Variants in CDH12 observed in about 807,000 individuals in gnomAD.
CDH12 encodes cadherin 12.
CDH12 carries 41 observed loss-of-function variants against 74.1 expected under a neutral mutation model. The observed-to-expected ratio is 0.55, with a 90% CI of 0.43 to 0.72. CDH12 has a LOEUF of 0.72. CDH12 is among the 30% of genes least tolerant of loss of function. The pLI is 0.00. For missense variants in CDH12, 945 were observed against 977.2 expected (o/e 0.97, Z 0.44); for synonymous variants, 399 against 355.0 (o/e 1.12, Z -1.39).
At chr5:22,063,785 T>C (rs1333949343) in intron 5 of CDH12, among the ~76,000 whole-genome samples, 1 of 152,014 alleles carries the variant, frequency 6.6e-6, no homozygotes, top group African/African-American at 2.4e-5. Context: ...ATTCAATTAG[T>C]TGGAAACCCT....
chr5:22,456,674 G>T (rs895482344), intron 2 of CDH12, among the ~76,000 whole-genome samples: 2 of 151,876 alleles, frequency 1.3e-5, no homozygotes, highest in Non-Finnish European at 2.9e-5. Flanking sequence ...ACCTGTGAAG[G>T]CTAAATCATA....
intron 3 of CDH12, among the ~76,000 whole-genome samples, chr5:22,240,965 AAGG>A (rs913381290): frequency 5.3e-5 from 8 of 152,120 alleles, no homozygotes; most frequent in South Asian, 4.1e-4. Context: ...AAGGGCAAGG[AAGG>A]AGGAGGAGGA....
intron 1 of CDH12, among the ~76,000 whole-genome samples, chr5:22,551,004 C>A (rs1360723822): frequency 2.0e-5 from 3 of 152,206 alleles, no homozygotes; most frequent in African/African-American, 7.2e-5. Flanking sequence ...TAGCTTTGGG[C>A]AAGAATCGCA....
chr5:21,907,507 C>T (rs1306906419), intron 6 of CDH12, among the ~76,000 whole-genome samples: 2 of 152,056 alleles, frequency 1.3e-5, no homozygotes, highest in Admixed American at 6.6e-5. Context: ...CATGGAAGCC[C>T]GATGGAAACA....
intron 3 of CDH12, among the ~76,000 whole-genome samples, chr5:22,329,649 A>G (rs957768366): frequency 4.6e-5 from 7 of 152,344 alleles, no homozygotes; most frequent in Admixed American, 2.0e-4. Context: ...CACTGATGCC[A>G]TGCCTCTCTC....
intron 6 of CDH12, among the ~76,000 whole-genome samples, chr5:21,945,673 C>T (rs1755546371): frequency 6.6e-6 from 1 of 151,130 alleles, no homozygotes; most frequent in Non-Finnish European, 1.5e-5. Flanking sequence ...AAGAAGAGAG[C>T]ACAGAGCAGA....
At chr5:22,290,678 A>G (rs1737346404) in intron 3 of CDH12, among the ~76,000 whole-genome samples, 1 of 152,186 alleles carries the variant, frequency 6.6e-6, no homozygotes, top group Admixed American at 6.5e-5. Flanking sequence ...CAAATGATTG[A>G]GTCATAGGGG....
intron 10 of CDH12, among the ~76,000 whole-genome samples, chr5:21,789,296 C>T (rs1419624088): frequency 6.6e-6 from 1 of 151,920 alleles, no homozygotes; most frequent in Non-Finnish European, 1.5e-5. Context: ...TGACTGGTTG[C>T]GAAGGAAAGA....
chr5:22,268,593 T>G, intron 3 of CDH12, among the ~76,000 whole-genome samples: 1 of 152,242 alleles, frequency 6.6e-6, no homozygotes, highest in East Asian at 1.9e-4. Context: ...CTCTACAATT[T>G]ATTATAAGAT....
chr5:22,580,595 T>G (rs1740039328), intron 1 of CDH12: 1 of 476,382 alleles, frequency 2.1e-6, no homozygotes, highest in Non-Finnish European at 4.3e-6. Flanking sequence ...ACTTTTGGAT[T>G]TTTTTAATCC....
intron 3 of CDH12, among the ~76,000 whole-genome samples, chr5:22,364,927 G>C (rs1413644697): frequency 6.6e-6 from 1 of 152,096 alleles, no homozygotes; most frequent in Non-Finnish European, 1.5e-5. Flanking sequence ...TAAATGTAAA[G>C]ACTCATCAAA....
intron 4 of CDH12, among the ~76,000 whole-genome samples, chr5:22,117,422 C>T (rs1432967169): frequency 4.2e-5 from 5 of 118,494 alleles, no homozygotes; most frequent in Admixed American, 4.0e-4. Context: ...AAATTATATA[C>T]ATGCATATAT....
At chr5:22,225,491 G>A (rs1314300081) in intron 3 of CDH12, among the ~76,000 whole-genome samples, 1 of 152,022 alleles carries the variant, frequency 6.6e-6, no homozygotes, top group Non-Finnish European at 1.5e-5. Context: ...TTTGCCACAA[G>A]CTTTGAATAT....
intron 3 of CDH12, among the ~76,000 whole-genome samples, chr5:22,335,273 T>C (rs567431553): frequency 5.9e-5 from 9 of 152,286 alleles, no homozygotes; most frequent in South Asian, 2.1e-4. Context: ...TGGGAGATGA[T>C]TGAATCATGG....
At chr5:22,613,610 G>A (rs936472117) in intron 1 of CDH12, among the ~76,000 whole-genome samples, 4 of 152,064 alleles carry the variant, frequency 2.6e-5, no homozygotes, top group African/African-American at 9.7e-5. Flanking sequence ...TTTACGTGCT[G>A]TTTCCAAAGT....
chr5:21,786,100 C>G (rs1246219072), intron 10 of CDH12, among the ~76,000 whole-genome samples: 1 of 152,122 alleles, frequency 6.6e-6, no homozygotes, highest in Non-Finnish European at 1.5e-5. Flanking sequence ...TGCCTGTTGT[C>G]TTACAAATGG....
At chr5:22,033,519 A>G (rs1052502599) in intron 5 of CDH12, among the ~76,000 whole-genome samples, 11 of 152,212 alleles carry the variant, frequency 7.2e-5, no homozygotes, top group Admixed American at 7.2e-4. Flanking sequence ...TTTATAATAG[A>G]TTGTCTATAA....
At chr5:21,948,836 T>C (rs4028759) in intron 6 of CDH12, among the ~76,000 whole-genome samples, 3 of 152,198 alleles carry the variant, frequency 2.0e-5, no homozygotes, top group African/African-American at 7.2e-5. Context: ...GGGCGGTTTC[T>C]GCCATGCTGT....
intron 4 of CDH12, among the ~76,000 whole-genome samples, chr5:22,161,996 G>T (rs1176885416): frequency 6.6e-6 from 1 of 150,834 alleles, no homozygotes; most frequent in Non-Finnish European, 1.5e-5. Flanking sequence ...TCTGTATAAT[G>T]ACTTCCTATC....
Sources: gnomAD v4.1 joint callset for allele counts (sites outside exome capture counted in the v4.1 genomes callset) on GRCh38, gnomAD v4.1.1 for gene constraint, MANE v1.5 for transcripts, NCBI Gene and HGNC (gene_info 2026-07-23, HGNC 2026-07-21) for gene names.